RFX4: variants seen among roughly 807,000 people sequenced by gnomAD.
The protein encoded by RFX4 is transcription factor RFX4.
RFX4 carries 10 observed loss-of-function variants against 95.0 expected under a neutral mutation model. The observed-to-expected ratio is 0.11, with a 90% CI of 0.06 to 0.18. The LOEUF (loss-of-function observed/expected upper bound fraction) is 0.18. RFX4 is among the 10% of genes least tolerant of loss of function. The pLI is 1.00. For synonymous variants in RFX4, 321 were observed against 340.7 expected, an observed-to-expected ratio of 0.94 and a Z score of 0.64; for missense variants, 640 against 922.0, an observed-to-expected ratio of 0.69 and a Z score of 3.96.
chr12:106,706,534 T>C (rs1434988285), intron 8 of RFX4, among the ~76,000 whole-genome samples: 1 of 152,096 alleles, frequency 6.6e-6, no homozygotes, highest in African/African-American at 2.4e-5. Flanking sequence ...AGAGAGACTG[T>C]GTCCAAAATA....
chr12:106,735,362 G>A (rs1291025415), intron 15 of RFX4, among the ~76,000 whole-genome samples: 5 of 151,984 alleles, frequency 3.3e-5, no homozygotes, highest in Admixed American at 2.6e-4. Context: ...AGAAAGTGAA[G>A]ATGTAATAGC....
intron 15 of RFX4, among the ~76,000 whole-genome samples, chr12:106,737,967 A>G (rs920739332): frequency 6.6e-6 from 1 of 152,186 alleles, no homozygotes; most frequent in African/African-American, 2.4e-5. Context: ...GTTCCTGCTT[A>G]GAAGGCTCAG....
intron 1 of RFX4, among the ~76,000 whole-genome samples, chr12:106,607,206 A>G (rs897473024): frequency 3.5e-4 from 54 of 152,314 alleles, no homozygotes; most frequent in African/African-American, 1.2e-3. Context: ...AAATCACCAC[A>G]TTATACAGAA....
chr12:106,583,520 C>T (rs1053601217), intron 1 of RFX4, 157 bp downstream of exon 1: 3 of 602,160 alleles, frequency 5.0e-6, no homozygotes, highest in Admixed American at 3.9e-5. Context: ...CAATTCGAGG[C>T]GATGTGTGTA....
At chr12:106,648,725 C>T (rs76763418) in intron 3 of RFX4, among the ~76,000 whole-genome samples, 2,276 of 149,602 alleles carry the variant, frequency 0.015, 38 homozygotes, top group East Asian at 0.065. Context: ...TGACGCAGAG[C>T]GACCTTTCCT....
chr12:106,622,904 G>A (rs181395355), intron 2 of RFX4, among the ~76,000 whole-genome samples: 19 of 152,112 alleles, frequency 1.2e-4, no homozygotes, highest in African/African-American at 4.6e-4. Flanking sequence ...ACAGGCATGA[G>A]CCACTGCACC....
At chr12:106,692,502 G>A (rs879713033) in intron 7 of RFX4, among the ~76,000 whole-genome samples, 19 of 152,132 alleles carry the variant, frequency 1.2e-4, no homozygotes, top group Non-Finnish European at 1.8e-4. Context: ...GTCATCACAG[G>A]TGTTTCCACA....
At chr12:106,719,850 T>C (rs992384674) in intron 11 of RFX4, 110 bp from the exon 12 acceptor site, 7 of 820,880 alleles carry the variant, frequency 8.5e-6, no homozygotes, top group Admixed American at 2.3e-5. Context: ...GGAGTTTTAT[T>C]TATTTAAAGT....
chr12:106,599,562 G>A (rs190829063), intron 1 of RFX4, among the ~76,000 whole-genome samples: 22 of 152,164 alleles, frequency 1.4e-4, no homozygotes, highest in Admixed American at 9.2e-4. Flanking sequence ...TGATATTAGC[G>A]TCATCTCAGG....
chr12:106,591,794 A>G (rs2039550984), intron 1 of RFX4, among the ~76,000 whole-genome samples: 1 of 152,248 alleles, frequency 6.6e-6, no homozygotes, highest in Non-Finnish European at 1.5e-5. Flanking sequence ...ATATGATAAT[A>G]TATGGAGCCT....
At chr12:106,733,964 T>A (rs2042660927) in intron 15 of RFX4, among the ~76,000 whole-genome samples, 1 of 152,190 alleles carries the variant, frequency 6.6e-6, no homozygotes, top group African/African-American at 2.4e-5. Flanking sequence ...AAATGTGGTA[T>A]ATACATAAAT....
chr12:106,658,167 A>G (rs1477883848), intron 4 of RFX4, among the ~76,000 whole-genome samples: 1 of 152,174 alleles, frequency 6.6e-6, no homozygotes, highest in Non-Finnish European at 1.5e-5. Flanking sequence ...CTTGTCAGGG[A>G]CCATGTGAAT....
At chr12:106,682,829 A>T (rs2041548021) in intron 5 of RFX4, 1 of 152,204 alleles carries the variant, frequency 6.6e-6, no homozygotes, top group Non-Finnish European at 1.5e-5. Context: ...CTCTTCCTGT[A>T]CTGCTCGACC....
At chr12:106,716,895 C>T (rs778291880) in intron 11 of RFX4, among the ~76,000 whole-genome samples, 5 of 150,732 alleles carry the variant, frequency 3.3e-5, no homozygotes, top group Non-Finnish European at 7.4e-5. Context: ...CAAGGTCATG[C>T]AGCCACTAAG....
chr12:106,614,445 C>CACCACGCCTGGCCG (rs1462898426), intron 2 of RFX4, among the ~76,000 whole-genome samples: 1 of 150,864 alleles, frequency 6.6e-6, no homozygotes, highest in African/African-American at 2.4e-5. Flanking sequence ...AGGCGTGAGC[C>CACCACGCCTGGCCG]CCTGTGCCCG....
chr12:106,702,202 G>C (rs1425591291), intron 8 of RFX4, among the ~76,000 whole-genome samples: 1 of 152,022 alleles, frequency 6.6e-6, no homozygotes, highest in African/African-American at 2.4e-5. Flanking sequence ...TTTCTTGACA[G>C]TAGGTTCTTT....
chr12:106,654,504 G>T (rs2040918087), intron 4 of RFX4, among the ~76,000 whole-genome samples, 153 bp downstream of exon 4: 1 of 152,048 alleles, frequency 6.6e-6, no homozygotes, highest in South Asian at 2.1e-4. Flanking sequence ...GTAATACTTT[G>T]CTATCAAAAT....
chr12:106,699,736 AT>A (rs1384671838), intron 8 of RFX4, among the ~76,000 whole-genome samples: 1 of 151,866 alleles, frequency 6.6e-6, no homozygotes, highest in Non-Finnish European at 1.5e-5. Context: ...TTTGCATTAC[AT>A]TTTTTTCCAC....
intron 1 of RFX4, among the ~76,000 whole-genome samples, chr12:106,605,769 G>T (rs1462884173): frequency 6.6e-6 from 1 of 152,250 alleles, no homozygotes; most frequent in African/African-American, 2.4e-5. Context: ...AATGATGGTT[G>T]TCTTCTCATA....
Sources: allele counts gnomAD v4.1 joint callset (sites outside exome capture counted in the v4.1 genomes callset), GRCh38; gene constraint gnomAD v4.1.1; transcripts MANE v1.5; gene names NCBI Gene and HGNC (gene_info 2026-07-23, HGNC 2026-07-21).